The following CAB39L variants were observed in gnomAD, a reference collection of about 807,000 sequenced individuals.
The protein encoded by CAB39L is calcium binding protein 39 like.
CAB39L carries 23 observed loss-of-function variants against 39.1 expected under a neutral mutation model. The ratio of observed to expected loss-of-function variants is 0.59; its 90% CI spans 0.42 to 0.83. The LOEUF (loss-of-function observed/expected upper bound fraction) is 0.83. Ranked by LOEUF, CAB39L falls within the 40% of genes least tolerant of loss-of-function variation. The pLI is 0.00. For missense variants in CAB39L, 366 were observed against 391.9 expected, an observed-to-expected ratio of 0.93 and a Z score of 0.56; for synonymous variants, 126 against 137.2, an observed-to-expected ratio of 0.92 and a Z score of 0.57.
At chr13:49,401,040 T>C (rs560908319) in intron 3 of CAB39L, 15 of 152,326 alleles carry the variant, frequency 9.8e-5, no homozygotes, top group African/African-American at 3.4e-4. Flanking sequence ...AATGCATATA[T>C]AAGTAATAAC....
intron 3 of CAB39L, chr13:49,401,289 G>A (rs556234412): frequency 6.6e-6 from 1 of 152,256 alleles, no homozygotes; most frequent in African/African-American, 2.4e-5. Context: ...AAGCGTGGCA[G>A]AGAAAAGAGT....
chr13:49,386,052 A>T (rs1349287407), intron 3 of CAB39L, among the ~76,000 whole-genome samples: 4 of 152,168 alleles, frequency 2.6e-5, no homozygotes, highest in Non-Finnish European at 5.9e-5. Context: ...ACAATAAAAT[A>T]CGGTATGCCT....
intron 3 of CAB39L, among the ~76,000 whole-genome samples, chr13:49,414,435 T>C (rs1014729772): frequency 3.9e-5 from 6 of 152,048 alleles, no homozygotes; most frequent in African/African-American, 7.2e-5. Context: ...AAAATAGAGA[T>C]GGCTAGATGG....
intron 5 of CAB39L, 39 bp downstream of exon 5, chr13:49,376,928 T>G: frequency 6.6e-7 from 1 of 1,522,918 alleles, no homozygotes; most frequent in South Asian, 1.3e-5. Context: ...GATATTAAAA[T>G]TGAAAAGCAC....
intron 5 of CAB39L, among the ~76,000 whole-genome samples, chr13:49,365,674 G>A (rs764490685): frequency 2.0e-5 from 3 of 152,192 alleles, no homozygotes; most frequent in Non-Finnish European, 4.4e-5. Context: ...TGGGGAAAAG[G>A]AACCCCTCAT....
intron 10 of CAB39L, among the ~76,000 whole-genome samples, chr13:49,320,561 C>T (rs1247609061): frequency 6.6e-6 from 1 of 152,186 alleles, no homozygotes; most frequent in Non-Finnish European, 1.5e-5. Flanking sequence ...TAATTTCATT[C>T]AAATTCTATT....
At chr13:49,378,595 C>A (rs1278219816) in intron 4 of CAB39L, among the ~76,000 whole-genome samples, 12 of 68,600 alleles carry the variant, frequency 1.7e-4, no homozygotes, top group East Asian at 5.5e-4. Context: ...GTGGGGGGGT[C>A]AGCCCTCCGC....
chr13:49,360,173 A>G (rs1293274666), intron 5 of CAB39L, among the ~76,000 whole-genome samples: 1 of 152,214 alleles, frequency 6.6e-6, no homozygotes, highest in Non-Finnish European at 1.5e-5. Context: ...GAAAAAAATT[A>G]TGATTATCAT....
intron 1 of CAB39L, among the ~76,000 whole-genome samples, chr13:49,442,214 C>G (rs1359868113): frequency 6.6e-6 from 1 of 152,154 alleles, no homozygotes; most frequent in Non-Finnish European, 1.5e-5. Flanking sequence ...TATGCCACTA[C>G]TCTTTGAAAA....
intron 4 of CAB39L, among the ~76,000 whole-genome samples, chr13:49,380,800 A>C (rs1324476907): frequency 2.0e-5 from 3 of 152,232 alleles, no homozygotes; most frequent in East Asian, 1.9e-4. Context: ...AATCATTATA[A>C]ATGAAGAAGG....
chr13:49,423,460 A>G (rs1310330583), intron 3 of CAB39L, among the ~76,000 whole-genome samples: 1 of 152,180 alleles, frequency 6.6e-6, no homozygotes, highest in African/African-American at 2.4e-5. Flanking sequence ...GCTCACATCT[A>G]TAATCCCAAC....
chr13:49,355,783 A>G (rs2138486639), intron 6 of CAB39L, among the ~76,000 whole-genome samples: 1 of 151,988 alleles, frequency 6.6e-6, no homozygotes, highest in South Asian at 2.1e-4. Flanking sequence ...ATATATTTAT[A>G]CACACACACA....
rs201166484 is a variant in CAB39L at position 49,440,843 on chromosome 13, C to A, written c.-246+3143G>T. Among the ~76,000 whole-genome samples the A allele has an allele frequency of 1.1e-4, 4 of 36,770 alleles. 1 individual carries two copies. Among genetic ancestry groups the A allele is most frequent in the African/African-American group, 2.2e-4 (4 of 17,796 alleles). 24.1% of individuals were successfully genotyped at this position (36,770 alleles called of 152,430 possible). A position where few individuals can be genotyped will look rare whatever the true frequency, so the allele number is the denominator to read the frequency against. The stretch of plus-strand genomic sequence containing the variant: ...TATAGAAACGCTACTGATTTTTGTA[C>A]AGAGTTTGTATCCTGAAACTTACTG... On this transcript the variant is annotated intron_variant, in intron 1 of 10. Coordinates refer to ENST00000409308, the MANE Select transcript of CAB39L (RefSeq NM_001079670.3).
At position 49,332,040 on chromosome 13, in the gene CAB39L, C is replaced by A; in HGVS notation, c.741G>T (p.Lys247Asn). 1.2e-6 allele frequency: 2 copies of A among 1,614,172 alleles called. No individual in the cohort carries two copies. Among genetic ancestry groups the A allele is most frequent in the East Asian group, 2.2e-5 (1 of 44,880 alleles). Residue 247 changes from lysine (K) to asparagine (N), a missense_variant, in exon 10 of 11, where the codon AAG becomes AAT. Physicochemically the swap from Lys to Asn is moderately conservative, Grantham distance 94. Transcript: ENST00000409308. ...LDRHNFAIMT[K>N]YISKPENLKL... The stretch of plus-strand genomic sequence containing the variant: ...TCAGGTTCTCCGGCTTGCTGATATA[C>A]TTTGTCATGATGGCAAAGTTGTGAC...
At chr13:49,343,058 A>G (rs1382432750) in intron 8 of CAB39L, among the ~76,000 whole-genome samples, 2 of 152,178 alleles carry the variant, frequency 1.3e-5, no homozygotes, top group African/African-American at 4.8e-5. Context: ...TTATATTTCT[A>G]CTGGACAGCA....
At chr13:49,403,121 AATTACTAAG>A (rs947134811) in intron 3 of CAB39L, among the ~76,000 whole-genome samples, 27 of 152,116 alleles carry the variant, frequency 1.8e-4, no homozygotes, top group Non-Finnish European at 3.4e-4. Flanking sequence ...TAAAACATAT[AATTACTAAG>A]ATTATTTATG....
chr13:49,348,239 C>G (rs1452369099), intron 7 of CAB39L, among the ~76,000 whole-genome samples: 1 of 152,084 alleles, frequency 6.6e-6, no homozygotes. Context: ...AGTGCTTGTC[C>G]GAAACCCGCA....
intron 10 of CAB39L, among the ~76,000 whole-genome samples, chr13:49,313,344 G>A (rs916684271): frequency 3.9e-5 from 6 of 152,132 alleles, no homozygotes; most frequent in Admixed American, 3.9e-4. Flanking sequence ...AGCCAGGCGT[G>A]GTGGCGGGCG....
At chr13:49,382,692 A>G in intron 4 of CAB39L, 108 bp downstream of exon 4, 1 of 691,824 alleles carries the variant, frequency 1.4e-6, no homozygotes. Flanking sequence ...TAGAGGGTCT[A>G]TGTGCACATC....
Sources: allele counts gnomAD v4.1 joint callset (sites outside exome capture counted in the v4.1 genomes callset), GRCh38; gene constraint gnomAD v4.1.1; transcripts MANE v1.5; gene names NCBI Gene and HGNC (gene_info 2026-07-23, HGNC 2026-07-21).